The following RGS22 variants were observed in gnomAD, a reference collection of about 807,000 sequenced individuals.
The protein encoded by RGS22 is regulator of G protein signaling 22.
In RGS22, 148 loss-of-function variants were observed where a neutral mutation model predicts 172.9. That is an observed-to-expected ratio of 0.86 (90% CI 0.75 to 0.98). The LOEUF is 0.98. Among genes scored for constraint, RGS22 ranks in the 50% least tolerant of loss-of-function variants. The probability of loss-of-function intolerance (pLI) is 0.00; values close to 1 mark genes in which losing one functional copy is unlikely to be tolerated. For missense variants in RGS22, 1,347 were observed against 1,440.8 expected (o/e 0.93, Z 1.05); for synonymous variants, 458 against 480.2 (o/e 0.95, Z 0.60).
At chr8:100,024,064 T>C (rs1817909849) in intron 14 of RGS22, 1 of 152,260 alleles carries the variant, frequency 6.6e-6, no homozygotes, top group Admixed American at 6.5e-5. Flanking sequence ...CCACCCGGGT[T>C]CAAGCAATTC....
intron 23 of RGS22, among the ~76,000 whole-genome samples, chr8:99,971,099 C>T (rs201184442): frequency 6.6e-6 from 1 of 152,086 alleles, no homozygotes; most frequent in Non-Finnish European, 1.5e-5. Flanking sequence ...ACATAATCCA[C>T]CACATAAACA....
chr8:99,963,406 G>C (rs1472290415), intron 24 of RGS22, among the ~76,000 whole-genome samples: 7 of 152,082 alleles, frequency 4.6e-5, no homozygotes, highest in African/African-American at 1.7e-4. Context: ...TATTCAATTT[G>C]ATTGTAAATT....
intron 3 of RGS22, among the ~76,000 whole-genome samples, chr8:100,084,294 A>T (rs1812005283): frequency 6.6e-6 from 1 of 152,204 alleles, no homozygotes; most frequent in African/African-American, 2.4e-5. Context: ...TGCTACTCGT[A>T]TGCACTTACA....
At chr8:99,989,861 CAGATAGATAGATAGAT>C (rs58327517) in intron 20 of RGS22, among the ~76,000 whole-genome samples, 29 of 146,328 alleles carry the variant, frequency 2.0e-4, no homozygotes, top group Middle Eastern at 3.2e-3. Flanking sequence ...GATAGACAGA[CAGATAGATAGATAGAT>C]AGATAGATAG....
chr8:100,056,117 G>A (rs1351975485), intron 9 of RGS22, among the ~76,000 whole-genome samples: 4 of 152,186 alleles, frequency 2.6e-5, no homozygotes, highest in African/African-American at 7.2e-5. Context: ...AGACGGAGAT[G>A]AGGAATTTGT....
chr8:100,087,693 ATTT>A (rs1400790240), intron 3 of RGS22, among the ~76,000 whole-genome samples: 1 of 152,176 alleles, frequency 6.6e-6, no homozygotes, highest in Non-Finnish European at 1.5e-5. Context: ...CCAAAGCTGT[ATTT>A]TAAACATGCA....
intron 18 of RGS22, among the ~76,000 whole-genome samples, chr8:100,000,817 T>A (rs1370204923): frequency 6.6e-6 from 1 of 152,190 alleles, no homozygotes; most frequent in Non-Finnish European, 1.5e-5. Context: ...AGCATTTTTG[T>A]CAAAGTTGCT....
At chr8:100,046,544 T>A (rs890938337) in intron 11 of RGS22, 1 of 150,414 alleles carries the variant, frequency 6.6e-6, no homozygotes, top group Non-Finnish European at 1.5e-5. Flanking sequence ...AAAGTGTCAA[T>A]GCCACAAAAG....
chr8:100,105,567 T>C lies in RGS22; in HGVS notation c.26-165A>G, dbSNP rs1813870334. ...ACATGGCTTGCATTTTAAGTTGGAA[T>C]TCAAGGTGGAAGTGGGAAGGAAAGG... On this transcript the variant is annotated intron_variant, in intron 1 of 27. Transcript: ENST00000360863. 1.2e-5 allele frequency: 8 copies of C among 653,416 alleles called. 1 individual carries two copies. The highest frequency in any genetic ancestry group is 2.1e-5 in the Non-Finnish European group (8 of 372,182). 40.5% of individuals were successfully genotyped at this position (653,416 alleles called of 1,614,324 possible). A position where few individuals can be genotyped will look rare whatever the true frequency, so the allele number is the denominator to read the frequency against.
chr8:99,964,112 A>C (rs1160052147), intron 24 of RGS22, among the ~76,000 whole-genome samples: 2 of 152,054 alleles, frequency 1.3e-5, no homozygotes, highest in East Asian at 3.8e-4. Context: ...AGAGGCTCAA[A>C]GGAAATTATG....
At chr8:100,096,869 G>A (rs1214959107) in intron 2 of RGS22, among the ~76,000 whole-genome samples, 1 of 151,680 alleles carries the variant, frequency 6.6e-6, no homozygotes, top group Non-Finnish European at 1.5e-5. Context: ...CAAGGAAGAG[G>A]AAATAAGATA....
chr8:99,994,530 T>A (rs976943900), intron 20 of RGS22, among the ~76,000 whole-genome samples: 1 of 151,976 alleles, frequency 6.6e-6, no homozygotes, highest in African/African-American at 2.4e-5. Flanking sequence ...ACACAGAGAA[T>A]AAAATACCTA....
chr8:100,104,142 ACT>A (rs1005611717), intron 2 of RGS22, among the ~76,000 whole-genome samples: 2 of 152,036 alleles, frequency 1.3e-5, no homozygotes, highest in African/African-American at 2.4e-5. Flanking sequence ...ACATGGTGAA[ACT>A]CTGTCTCTAC....
At chr8:100,073,544 T>C (rs1168335350) in intron 4 of RGS22, among the ~76,000 whole-genome samples, 3 of 152,218 alleles carry the variant, frequency 2.0e-5, no homozygotes, top group Non-Finnish European at 4.4e-5. Flanking sequence ...CAGCACCTTG[T>C]TGACAGTCTC....
intron 20 of RGS22, among the ~76,000 whole-genome samples, chr8:99,993,810 G>A (rs1256959244): frequency 9.9e-5 from 15 of 151,792 alleles, no homozygotes; most frequent in African/African-American, 2.7e-4. Flanking sequence ...GACACACAAC[G>A]AAAAAAGAGA....
intron 9 of RGS22, among the ~76,000 whole-genome samples, chr8:100,060,426 A>G (rs1431644694): frequency 7.0e-6 from 1 of 143,834 alleles, no homozygotes; most frequent in Non-Finnish European, 1.5e-5. Context: ...ATATATACAC[A>G]CACACACACA....
chr8:100,019,402 A>G (rs1817359440), intron 14 of RGS22, among the ~76,000 whole-genome samples: 1 of 152,218 alleles, frequency 6.6e-6, no homozygotes, highest in Non-Finnish European at 1.5e-5. Flanking sequence ...GTATCTTGCT[A>G]TGATTGCCTG....
chr8:99,964,897 G>A (rs1810569322), intron 24 of RGS22, among the ~76,000 whole-genome samples: 1 of 152,182 alleles, frequency 6.6e-6, no homozygotes, highest in African/African-American at 2.4e-5. Context: ...TGTAAACACA[G>A]AAACCATAAT....
intron 20 of RGS22, among the ~76,000 whole-genome samples, chr8:99,988,430 A>G (rs1248048766): frequency 6.6e-6 from 1 of 152,144 alleles, no homozygotes; most frequent in Non-Finnish European, 1.5e-5. Flanking sequence ...TTAGCCTTTC[A>G]GATTGAAAAC....
Sources: allele counts gnomAD v4.1 joint callset (sites outside exome capture counted in the v4.1 genomes callset), GRCh38; gene constraint gnomAD v4.1.1; transcripts MANE v1.5; gene names NCBI Gene and HGNC (gene_info 2026-07-23, HGNC 2026-07-21).